Variants in STARD9 observed in about 807,000 individuals in gnomAD.
STARD9 encodes the protein StAR related lipid transfer domain containing 9, also known as stAR-related lipid transfer protein 9.
A neutral mutation model predicts 399.8 loss-of-function variants in STARD9; 346 were observed. The ratio of observed to expected loss-of-function variants is 0.87; its 90% CI spans 0.79 to 0.95. The LOEUF (loss-of-function observed/expected upper bound fraction) is 0.95. STARD9 is among the 40% of genes least tolerant of loss of function. The pLI, the probability that STARD9 is intolerant of heterozygous loss-of-function variation, is 0.00. For synonymous variants in STARD9, 2,203 were observed against 2,143.5 expected, an observed-to-expected ratio of 1.03 and a Z score of -0.77; for missense variants, 5,832 against 5,667.5, an observed-to-expected ratio of 1.03 and a Z score of -0.93.
chr15:42,687,835 TC>T lies in STARD9; in HGVS notation c.6259del (p.Gln2087ArgfsTer78). 1 of 1,537,364 alleles carries T rather than the reference TC, an allele frequency of 6.5e-7. No individual in the cohort carries two copies. The highest frequency in any genetic ancestry group is 8.7e-7 in the Non-Finnish European group (1 of 1,146,998). On this transcript the variant is annotated frameshift_variant, in exon 23 of 33. Transcript: ENST00000290607. LOFTEE classifies it high-confidence loss of function. ...CCAGGAACCGATAAGGAGTTGGTGTTCCAGGACCAGAAGGAGCAGGAGAAGA... is the reference window on the plus strand; with the variant it reads ...CCAGGAACCGATAAGGAGTTGGTGTTCAGGACCAGAAGGAGCAGGAGAAGA... ...HTPGTDKELV[F>X]QDQKEQEKTD...
chr15:42,630,722 ATAG>A (rs1434485164), intron 3 of STARD9, among the ~76,000 whole-genome samples: 7 of 152,076 alleles, frequency 4.6e-5, no homozygotes. Context: ...GTATATAGTC[ATAG>A]TAGTCTCTAA....
At chr15:42,646,084 C>G (rs2059639948) in intron 7 of STARD9, among the ~76,000 whole-genome samples, 1 of 151,978 alleles carries the variant, frequency 6.6e-6, no homozygotes, top group Admixed American at 6.6e-5. Context: ...TCACTTGAAC[C>G]CAGAAGGCAG....
intron 6 of STARD9, 70 bp downstream of exon 6, chr15:42,638,157 G>A (rs747800236): frequency 1.1e-4 from 148 of 1,386,974 alleles, no homozygotes; most frequent in Non-Finnish European, 1.4e-4. Flanking sequence ...ATGTTCAGCT[G>A]TCCTCTCTTT....
Position 42,686,949 on chromosome 15 carries a change from G to A in STARD9, c.5371G>A (p.Gly1791Ser), listed in dbSNP as rs755512549. 1.3e-6 allele frequency: 2 copies of A among 1,536,450 alleles called. No individual in the cohort carries two copies. Among genetic ancestry groups the A allele is most frequent in the Non-Finnish European group, 8.7e-7 (1 of 1,146,740 alleles). The change falls in exon 23 of 33, where the codon GGT (glycine) becomes AGT (serine). Residue 1791 changes from glycine to serine, a missense_variant. Physicochemically the swap from Gly to Ser is moderately conservative, Grantham distance 56 (BLOSUM62 0). Transcript: ENST00000290607. The part of the protein sequence containing the change: ...GFGHNHQALQ[G>S]AYLKNNLPVL... ...TGGTCACAACCACCAAGCTCTCCAA[G>A]GTGCTTATTTGAAGAATAATTTGCC...
At chr15:42,578,823 T>C (rs1436811240) in intron 1 of STARD9, among the ~76,000 whole-genome samples, 3 of 152,232 alleles carry the variant, frequency 2.0e-5, no homozygotes, top group Non-Finnish European at 2.9e-5. Context: ...GTTTTCACTC[T>C]GAACTATTCA....
chr15:42,663,863 A>T lies in STARD9; in HGVS notation c.1122A>T (p.Thr374=), dbSNP rs763540610. Reference sequence around the variant, plus strand: ...CTAGCTACAGTGAGACCATGAGCACACTGAGATATGCATCCAGTGCCAAAA... The same window carrying T: ...CTAGCTACAGTGAGACCATGAGCACTCTGAGATATGCATCCAGTGCCAAAA... ...AHTSYSETMS[T]LRYASSAKNI... The change falls in exon 13 of 33, where the codon ACA becomes ACT. Residue 374 remains threonine (T), a synonymous_variant. Transcript: ENST00000290607. The T allele has an allele frequency of 6.5e-7, 1 of 1,537,202 alleles. No homozygotes were observed. The highest frequency in any genetic ancestry group is 1.4e-5 in the African/African-American group (1 of 73,182).
intron 3 of STARD9, among the ~76,000 whole-genome samples, chr15:42,614,379 C>T (rs1276451512): frequency 2.0e-5 from 3 of 151,578 alleles, no homozygotes; most frequent in Admixed American, 6.6e-5. Flanking sequence ...GAAAAACAGT[C>T]GAAGTAGGCA....
At chr15:42,674,586 G>T in intron 17 of STARD9, 95 bp downstream of exon 17, 1 of 1,308,714 alleles carries the variant, frequency 7.6e-7, no homozygotes, top group South Asian at 1.3e-5. Context: ...GAGAAGAAGG[G>T]AATCATTGGC....
At chr15:42,670,561 A>G (rs2060185131) in intron 16 of STARD9, 1 of 152,210 alleles carries the variant, frequency 6.6e-6, no homozygotes, top group Non-Finnish European at 1.5e-5. Context: ...TCTAGTTTTC[A>G]TTCTCATAAT....
At chr15:42,590,472 G>T (rs1405751022) in intron 3 of STARD9, among the ~76,000 whole-genome samples, 1 of 152,114 alleles carries the variant, frequency 6.6e-6, no homozygotes, top group Non-Finnish European at 1.5e-5. Flanking sequence ...GATATGGAGG[G>T]AGTATCTAAA....
At chr15:42,582,691 T>C (rs142701727) in intron 1 of STARD9, among the ~76,000 whole-genome samples, 1 of 152,302 alleles carries the variant, frequency 6.6e-6, no homozygotes, top group East Asian at 1.9e-4. Context: ...GGATGCTCTC[T>C]AGAGTTTCTT....
rs1323555662 is a variant in STARD9 at position 42,692,757 on chromosome 15, T to C, written c.11179T>C (p.Ser3727Pro). 1.3e-6 allele frequency: 2 copies of C among 1,537,126 alleles called. No homozygotes were observed. The highest frequency in any genetic ancestry group is 2.0e-5 in the Admixed American group (1 of 50,992). The change falls in exon 23 of 33, where the codon TCT becomes CCT. Residue 3727 changes from serine (S) to proline (P), a missense_variant. Ser to Pro is a moderately conservative substitution (Grantham distance 74, BLOSUM62 -1). Coordinates refer to ENST00000290607, the MANE Select transcript of STARD9 (RefSeq NM_020759.3). ...CCCACAGGCCCTGATGATGGATGGC[T>C]CTACTCAGACCACTGTGGATGAGGG... ...KAPQALMMDGSTQTTVDEGSQ... is the reference protein window; with the variant it reads ...KAPQALMMDGPTQTTVDEGSQ...
intron 7 of STARD9, among the ~76,000 whole-genome samples, chr15:42,649,121 C>T (rs886787344): frequency 2.6e-5 from 4 of 152,058 alleles, no homozygotes; most frequent in African/African-American, 7.2e-5. Flanking sequence ...CCTCCACCTC[C>T]TGGGTTCAAG....
intron 9 of STARD9, among the ~76,000 whole-genome samples, chr15:42,656,978 C>T (rs1056378702): frequency 6.6e-6 from 1 of 152,106 alleles, no homozygotes; most frequent in African/African-American, 2.4e-5. Context: ...TGTAACCAGA[C>T]ACCATCTGTT....
intron 3 of STARD9, among the ~76,000 whole-genome samples, chr15:42,631,384 C>A (rs1222474510): frequency 6.6e-6 from 1 of 151,988 alleles, no homozygotes; most frequent in Non-Finnish European, 1.5e-5. Flanking sequence ...GAGTTCAAGA[C>A]CAGCCTGGGA....
Position 42,693,538 on chromosome 15 carries a change from A to G in STARD9, c.11960A>G (p.Gln3987Arg). ...LELHSPHSPQ[Q>R]SPKLQFSFLG... is the part of the protein sequence containing the mutation. The stretch of plus-strand genomic sequence containing the variant: ...TTGCACTCCCCACACAGCCCACAGC[A>G]GAGTCCAAAACTCCAATTTAGTTTC... The change falls in exon 23 of 33, where the codon CAG becomes CGG. Residue 3987 changes from glutamine to arginine, a missense_variant. Gln to Arg is a conservative substitution (Grantham distance 43). Around this residue, in one of 2 missense-constraint regions of STARD9, gnomAD observed 5,828 missense variants for 5,651.1 expected, o/e 1.03. Coordinates refer to ENST00000290607, the MANE Select transcript of STARD9 (RefSeq NM_020759.3). 1 of 1,537,286 alleles carries G rather than the reference A, an allele frequency of 6.5e-7. No homozygotes were observed. Among genetic ancestry groups the G allele is most frequent in the Non-Finnish European group, 8.7e-7 (1 of 1,146,918 alleles).
intron 28 of STARD9, 98 bp from the exon 29 acceptor site, chr15:42,717,633 A>AT: frequency 1.8e-6 from 2 of 1,098,526 alleles, no homozygotes; most frequent in Non-Finnish European, 1.3e-6. Flanking sequence ...TCAAAAAAAA[A>AT]GAAAAGGGGA....
At chr15:42,698,517 C>T (rs1210600015) in intron 26 of STARD9, among the ~76,000 whole-genome samples, 1 of 152,012 alleles carries the variant, frequency 6.6e-6, no homozygotes, top group African/African-American at 2.4e-5. Context: ...TTTCTCTTAC[C>T]AATTTGGAGA....
intron 17 of STARD9, 139 bp from the exon 18 acceptor site, chr15:42,674,688 G>C: frequency 1.5e-6 from 2 of 1,319,572 alleles, no homozygotes; most frequent in Non-Finnish European, 2.0e-6. Context: ...TTCAGGTCTG[G>C]GTGGTTTCAG....
Sources: gnomAD v4.1 joint callset for allele counts (sites outside exome capture counted in the v4.1 genomes callset) on GRCh38, gnomAD v4.1.1 for gene constraint, gnomAD v4.1.1 regional missense constraint, MANE v1.5 for transcripts, NCBI Gene and HGNC (gene_info 2026-07-23, HGNC 2026-07-21) for gene names.